The following ARHGEF18 variants were observed in gnomAD, a reference collection of about 807,000 sequenced individuals.
ARHGEF18 encodes Rho/Rac guanine nucleotide exchange factor 18.
A neutral mutation model predicts 155.7 loss-of-function variants in ARHGEF18; 93 were observed. The ratio of observed to expected loss-of-function variants is 0.60; its 90% confidence interval spans 0.50 to 0.71. The LOEUF (loss-of-function observed/expected upper bound fraction) is 0.71. Ranked by LOEUF, ARHGEF18 falls within the 30% of genes least tolerant of loss-of-function variation. The probability of loss-of-function intolerance (pLI) is 0.00; values close to 1 mark genes in which losing one functional copy is unlikely to be tolerated. For synonymous variants in ARHGEF18, 742 were observed against 753.1 expected, an observed-to-expected ratio of 0.99 and a Z score of 0.24; for missense variants, 1,593 against 1,816.1, an observed-to-expected ratio of 0.88 and a Z score of 2.23.
downstream of ARHGEF18, chr19:7,477,329 G>A (rs773066292): frequency 3.2e-6 from 5 of 1,561,116 alleles, no homozygotes; most frequent in South Asian, 2.4e-5. Context: ...CACGCCCCGG[G>A]GCAGCCAGTG....
rs1203693509 is a variant in ARHGEF18, at chr19:7,395,228, C to T, written c.967+12025C>T. 3.0e-6 allele frequency: 3 copies of T among 987,244 alleles called. No individual in the cohort carries two copies. Among genetic ancestry groups the T allele is most frequent in the Non-Finnish European group, 3.6e-6 (3 of 831,470 alleles). The allele number at this position is 987,244 out of a possible 1,614,324, so 61.2% of individuals were successfully genotyped here. On this transcript the variant is annotated intron_variant, in intron 10 of 28. Transcript: ENST00000668164. This position sits in a 1 kb window ranked among gnomAD's most constrained non-coding sequence, Gnocchi z 5.0. ...GGCAGAGGAGCTGGCGGAGAGCGGC[C>T]TGCGGGCGATCGGGCCGAGGTGAGG...
chr19:7,445,399 G>C, intron 14 of ARHGEF18, among the ~76,000 whole-genome samples: 1 of 152,138 alleles, frequency 6.6e-6, no homozygotes. Context: ...AATGAGCTAT[G>C]ATCATGCCAC....
intron 15 of ARHGEF18, among the ~76,000 whole-genome samples, chr19:7,450,646 T>C (rs1463235955): frequency 4.6e-5 from 2 of 43,288 alleles, no homozygotes; most frequent in Admixed American, 2.4e-4. Flanking sequence ...AAGATGTTAA[T>C]ACGGGATCTT....
chr19:7,388,590 T>C (rs544549423), intron 10 of ARHGEF18, among the ~76,000 whole-genome samples: 1 of 152,200 alleles, frequency 6.6e-6, no homozygotes, highest in African/African-American at 2.4e-5. Flanking sequence ...TTTTTATTTA[T>C]TTATTTTCAG....
At chr19:7,406,228 G>A (rs1320183690) in intron 10 of ARHGEF18, among the ~76,000 whole-genome samples, 1 of 152,112 alleles carries the variant, frequency 6.6e-6, no homozygotes, top group Non-Finnish European at 1.5e-5. Flanking sequence ...GGGATTACAG[G>A]CGCGTGCCAC....
chr19:7,411,385 C>G (rs535609116), intron 10 of ARHGEF18, among the ~76,000 whole-genome samples: 1 of 151,578 alleles, frequency 6.6e-6, no homozygotes, highest in East Asian at 2.0e-4. Context: ...CAGCTCACTG[C>G]AACCTCCACC....
chr19:7,422,610 C>T (rs1973421678), intron 10 of ARHGEF18, among the ~76,000 whole-genome samples: 1 of 152,064 alleles, frequency 6.6e-6, no homozygotes. Flanking sequence ...ATCCCATCAT[C>T]CTTTGCTAAC....
chr19:7,386,536 T>A (rs1971087312), intron 10 of ARHGEF18, among the ~76,000 whole-genome samples: 1 of 151,908 alleles, frequency 6.6e-6, no homozygotes, highest in Middle Eastern at 3.2e-3. Flanking sequence ...ATTGGTGACA[T>A]TGGAATCCAG....
chr19:7,364,522 T>C (rs1969802292), intron 2 of ARHGEF18, among the ~76,000 whole-genome samples: 2 of 152,192 alleles, frequency 1.3e-5, no homozygotes, highest in African/African-American at 4.8e-5. Flanking sequence ...CCATACCCTC[T>C]GCTCTCATCA....
chr19:7,445,822 C>A (rs1370722391), intron 14 of ARHGEF18, among the ~76,000 whole-genome samples: 1 of 151,974 alleles, frequency 6.6e-6, no homozygotes, highest in Non-Finnish European at 1.5e-5. Flanking sequence ...AGGGTTTCAC[C>A]ATGTTGGCCA....
chr19:7,381,573 G>A (rs188841454), intron 8 of ARHGEF18, among the ~76,000 whole-genome samples: 13 of 152,134 alleles, frequency 8.5e-5, no homozygotes, highest in Admixed American at 4.6e-4. Flanking sequence ...AGCTACTCAC[G>A]AGGCTGAGGC....
downstream of ARHGEF18, chr19:7,472,833 G>A (rs956821061): frequency 2.7e-6 from 1 of 376,584 alleles, no homozygotes; most frequent in Non-Finnish European, 5.3e-6. Flanking sequence ...CTGAGTAGCT[G>A]GGATTACAGG....
At chr19:7,472,569 G>A, downstream of ARHGEF18, 1 of 173,350 alleles carries the variant, frequency 5.8e-6, no homozygotes, top group Non-Finnish European at 1.3e-5. Flanking sequence ...TCTGTTGGGG[G>A]CTCCCCATGG....
chr19:7,414,335 A>G (rs1972871077), intron 10 of ARHGEF18, among the ~76,000 whole-genome samples: 1 of 152,216 alleles, frequency 6.6e-6, no homozygotes, highest in South Asian at 2.1e-4. Context: ...CTTGTGAGGA[A>G]ACAACTTCGG....
At chr19:7,363,341 G>C (rs1969710899) in intron 2 of ARHGEF18, among the ~76,000 whole-genome samples, 2 of 151,928 alleles carry the variant, frequency 1.3e-5, no homozygotes, top group African/African-American at 4.8e-5. Flanking sequence ...ATAAATGGAT[G>C]ATGGGTGAAT....
intron 10 of ARHGEF18, among the ~76,000 whole-genome samples, chr19:7,438,444 T>A (rs1462038295): frequency 6.8e-6 from 1 of 146,134 alleles, no homozygotes; most frequent in Admixed American, 6.9e-5. Flanking sequence ...AGAGTTTCAC[T>A]CTTGTTGCCC....
At chr19:7,403,445 C>G (rs752364686) in intron 10 of ARHGEF18, among the ~76,000 whole-genome samples, 18 of 152,280 alleles carry the variant, frequency 1.2e-4, no homozygotes, top group Admixed American at 3.9e-4. Flanking sequence ...TGGAATCTTA[C>G]AGTATACTTG....
intron 19 of ARHGEF18, among the ~76,000 whole-genome samples, chr19:7,459,191 G>A (rs559734610): frequency 2.6e-5 from 4 of 152,216 alleles, no homozygotes; most frequent in East Asian, 1.9e-4. Flanking sequence ...GATTACAGGC[G>A]TGAGCCACTG....
At chr19:7,407,425 C>CAAAAAAA (rs59665719) in intron 10 of ARHGEF18, among the ~76,000 whole-genome samples, 2 of 108,752 alleles carry the variant, frequency 1.8e-5, no homozygotes, top group Admixed American at 2.0e-4. Flanking sequence ...GACTGAGTCT[C>CAAAAAAA]AAAAAAAAAA....
Sources: allele counts gnomAD v4.1 joint callset (sites outside exome capture counted in the v4.1 genomes callset), GRCh38; gene constraint gnomAD v4.1.1; non-coding constraint Gnocchi (gnomAD v3.1); transcripts MANE v1.5; gene names NCBI Gene and HGNC (gene_info 2026-07-23, HGNC 2026-07-21).